The following EDA variants were observed in gnomAD, a reference collection of about 807,000 sequenced individuals.
EDA encodes ectodysplasin A, also known as ectodysplasin-A.
Under a neutral mutation model 23.6 loss-of-function variants are expected in EDA, and 2 were observed. That is an observed-to-expected ratio of 0.08 (90% CI 0.03 to 0.27). The LOEUF is 0.27. EDA is among the 10% of genes least tolerant of loss of function. The pLI is 1.00. For missense variants in EDA, 229 were observed against 324.2 expected (o/e 0.71, Z 2.26); for synonymous variants, 131 against 132.0 (o/e 0.99, Z 0.05).
intron 1 of EDA, among the ~76,000 whole-genome samples, chrX:69,757,906 G>A (rs752843374): frequency 1.2e-4 from 14 of 112,214 alleles, no homozygotes; most frequent in African/African-American, 4.2e-4. Context: ...AATATACTTT[G>A]TACAAAGCTC....
intron 1 of EDA, among the ~76,000 whole-genome samples, chrX:69,918,534 C>T (rs763273030): frequency 1.8e-4 from 20 of 112,121 alleles, no homozygotes; most frequent in Non-Finnish European, 3.2e-4. Context: ...AATCATCTGC[C>T]TTACTATGAA....
chrX:69,896,886 C>G (rs1344948605), intron 1 of EDA, among the ~76,000 whole-genome samples: 1 of 111,403 alleles, frequency 9.0e-6, no homozygotes, highest in Admixed American at 9.6e-5. Context: ...CTTAATTTTC[C>G]TGTACTTACT....
intron 1 of EDA, among the ~76,000 whole-genome samples, chrX:69,915,706 A>G (rs866794048): frequency 9.0e-6 from 1 of 111,731 alleles, no homozygotes; most frequent in Non-Finnish European, 1.9e-5. Context: ...AGCAAGACAG[A>G]CATAGTCCTT....
intron 1 of EDA, among the ~76,000 whole-genome samples, chrX:69,730,379 G>GA (rs2012976648): frequency 0.022 from 1 of 46 alleles, no homozygotes; most frequent in African/African-American, 0.11. Context: ...TGGTAGAAAA[G>GA]AAGGGAAGAG....
chrX:69,998,612 G>GA (rs1190056225), intron 2 of EDA, among the ~76,000 whole-genome samples: 6 of 111,852 alleles, frequency 5.4e-5, no homozygotes, highest in Non-Finnish European at 1.1e-4. Context: ...ATCAGGGGCA[G>GA]AATGATATGG....
At chrX:69,704,379 T>G (rs1329750644) in intron 1 of EDA, among the ~76,000 whole-genome samples, 3 of 111,864 alleles carry the variant, frequency 2.7e-5, no homozygotes, top group Non-Finnish European at 5.6e-5. Context: ...AGCCTCCAGG[T>G]AGCAGAGGTA....
chrX:70,005,756 G>A (rs2061889506), intron 2 of EDA, among the ~76,000 whole-genome samples: 1 of 110,643 alleles, frequency 9.0e-6, no homozygotes, highest in Non-Finnish European at 1.9e-5. Context: ...TACATGCCAT[G>A]CAGTGTTGCT....
chrX:69,704,534 C>T (rs963471814), intron 1 of EDA, among the ~76,000 whole-genome samples: 4 of 109,492 alleles, frequency 3.7e-5, no homozygotes, highest in Non-Finnish European at 7.6e-5. Context: ...TGAGAAATGT[C>T]CCATTATCAC....
chrX:70,002,148 G>A (rs2019748343), intron 2 of EDA, among the ~76,000 whole-genome samples: 1 of 111,941 alleles, frequency 8.9e-6, no homozygotes, highest in South Asian at 3.8e-4. Flanking sequence ...AGTGGTATTA[G>A]AGACACGGGC....
At chrX:69,753,854 T>G (rs1413120254) in intron 1 of EDA, among the ~76,000 whole-genome samples, 3 of 111,088 alleles carry the variant, frequency 2.7e-5, no homozygotes, top group Non-Finnish European at 5.7e-5. Flanking sequence ...TTTTTCATCT[T>G]TGTTGGTTTA....
At chrX:69,845,471 T>C (rs755242918) in intron 1 of EDA, among the ~76,000 whole-genome samples, 1 of 112,394 alleles carries the variant, frequency 8.9e-6, no homozygotes, top group Non-Finnish European at 1.9e-5. Context: ...CTTGGCATCC[T>C]AATGAGGAAG....
At chrX:69,677,092 T>A (rs1420668599) in intron 1 of EDA, among the ~76,000 whole-genome samples, 1 of 98,937 alleles carries the variant, frequency 1.0e-5, no homozygotes, top group Non-Finnish European at 2.0e-5. Context: ...GGTTTTTTGT[T>A]CTTGCGATAG....
At chrX:69,658,368 T>C (rs1444844415) in intron 1 of EDA, among the ~76,000 whole-genome samples, 2 of 110,453 alleles carry the variant, frequency 1.8e-5, no homozygotes, top group Admixed American at 9.8e-5. Context: ...TGAGGTCTTA[T>C]CAGATCTAGG....
intron 1 of EDA, among the ~76,000 whole-genome samples, chrX:69,861,795 C>T (rs935811086): frequency 9.0e-6 from 1 of 111,469 alleles, no homozygotes; most frequent in Non-Finnish European, 1.9e-5. Flanking sequence ...GTAAATTAAC[C>T]ACGTTTCTGT....
intron 2 of EDA, among the ~76,000 whole-genome samples, chrX:70,010,280 T>C (rs2019857813): frequency 8.9e-6 from 1 of 112,406 alleles, no homozygotes; most frequent in African/African-American, 3.2e-5. Context: ...ATTTTGATGT[T>C]CTGTTGTCAG....
At chrX:69,723,416 C>G (rs1340176740) in intron 1 of EDA, among the ~76,000 whole-genome samples, 1 of 112,140 alleles carries the variant, frequency 8.9e-6, no homozygotes, top group Non-Finnish European at 1.9e-5. Context: ...CATCAGCATA[C>G]ATCCCTGGTG....
In EDA at chrX:69,854,173, G is replaced by A. The variant is rs745658538; in HGVS notation, c.397-102854G>A. Among the ~76,000 whole-genome samples the A allele has an allele frequency of 1.6e-4, 17 of 107,220 alleles. No individual in the cohort carries two copies. The South Asian group carries it at 1.8e-3, about 11-fold the overall frequency. The allele number at this position is 107,220 out of a possible 115,157, so 93.1% of individuals were successfully genotyped here. A position where few individuals can be genotyped will look rare whatever the true frequency, so the allele number is the denominator to read the frequency against. ...TCCCACCCTCCACCCTCCACCTTCC[G>A]ACAGGCCCCACTGTGGTTTGTTTTG... On this transcript the variant is annotated intron_variant, in intron 1 of 7. Coordinates refer to ENST00000374552, the MANE Select transcript of EDA (RefSeq NM_001399.5).
intron 1 of EDA, among the ~76,000 whole-genome samples, chrX:69,689,671 A>C (rs1021942966): frequency 9.0e-6 from 1 of 110,976 alleles, no homozygotes; most frequent in Non-Finnish European, 1.9e-5. Flanking sequence ...GGTTTTGGCT[A>C]TTCTGTGCCG....
At chrX:69,797,639 TA>T (rs2015574169) in intron 1 of EDA, among the ~76,000 whole-genome samples, 1 of 111,122 alleles carries the variant, frequency 9.0e-6, no homozygotes, top group East Asian at 2.8e-4. Context: ...AAAACACACA[TA>T]GTTATAAACC....
Sources: gnomAD v4.1 joint callset for allele counts (sites outside exome capture counted in the v4.1 genomes callset) on GRCh38, gnomAD v4.1.1 for gene constraint, MANE v1.5 for transcripts, NCBI Gene and HGNC (gene_info 2026-07-23, HGNC 2026-07-21) for gene names.